Variants in P2RX5 observed in about 807,000 individuals in gnomAD.
P2RX5 encodes the protein P2X purinoceptor 5.
P2RX5 carries 46 observed loss-of-function variants against 54.1 expected under a neutral mutation model. The ratio of observed to expected loss-of-function variants is 0.85; its 90% confidence interval spans 0.67 to 1.09. The LOEUF (loss-of-function observed/expected upper bound fraction) is 1.09. Among genes scored for constraint, P2RX5 ranks in the 50% least tolerant of loss-of-function variants. The probability of loss-of-function intolerance (pLI) is 0.00; values close to 1 mark genes in which losing one functional copy is unlikely to be tolerated. For synonymous variants in P2RX5, 226 were observed against 226.4 expected (o/e 1.00, Z 0.02); for missense variants, 566 against 549.8 (o/e 1.03, Z -0.29).
chr17:3,715,136 A>G, the P2RX5 span, among the ~76,000 whole-genome samples: 2 of 152,120 alleles, frequency 1.3e-5, no homozygotes, highest in African/African-American at 2.4e-5. Context: ...TCATCCCTCA[A>G]TCAGAACTGA....
the P2RX5 span, chr17:3,723,805 G>C: frequency 2.5e-6 from 4 of 1,588,712 alleles, no homozygotes; most frequent in Middle Eastern, 1.7e-4. Context: ...TTTCCGTCCC[G>C]TCCCGGCCCC....
intron 1 of P2RX5, among the ~76,000 whole-genome samples, chr17:3,694,236 A>G (rs1474191388): frequency 2.0e-5 from 3 of 151,604 alleles, no homozygotes; most frequent in Non-Finnish European, 1.5e-5. Context: ...GCCAGAAAAA[A>G]AAAAAAAAAG....
chr17:3,685,302 A>G (rs541571919), intron 9 of P2RX5, among the ~76,000 whole-genome samples: 1 of 152,268 alleles, frequency 6.6e-6, no homozygotes, highest in Admixed American at 6.5e-5. Flanking sequence ...CTGGCTCTGG[A>G]AAGAGACTCG....
chr17:3,674,616 C>T (rs996976073), intron 11 of P2RX5, among the ~76,000 whole-genome samples: 1 of 152,226 alleles, frequency 6.6e-6, no homozygotes, highest in African/African-American at 2.4e-5. Context: ...CAGCTAAAGA[C>T]CGTCAACTTC....
the P2RX5 span, chr17:3,716,596 GCTCTAAGT>G: frequency 1.3e-6 from 1 of 761,242 alleles, no homozygotes; most frequent in East Asian, 2.5e-5. Flanking sequence ...CAGGGCAGCT[GCTCTAAGT>G]CAGAGGTTGG....
the P2RX5 span, among the ~76,000 whole-genome samples, chr17:3,716,520 C>T: frequency 2.6e-5 from 4 of 152,298 alleles, no homozygotes; most frequent in South Asian, 8.3e-4. Context: ...CAGACAGATA[C>T]TGTTTTACTC....
the P2RX5 span, chr17:3,717,330 C>T: frequency 2.6e-5 from 4 of 153,446 alleles, no homozygotes; most frequent in African/African-American, 9.6e-5. Flanking sequence ...TTCCCCTCAC[C>T]AGACTAAAAA....
At chr17:3,698,246 G>A (rs1486215178), upstream of P2RX5, among the ~76,000 whole-genome samples, 1 of 152,050 alleles carries the variant, frequency 6.6e-6, no homozygotes, top group Non-Finnish European at 1.5e-5. Context: ...TGACAGTGCT[G>A]CTCCAGGGTA....
Position 3,674,375 on chromosome 17 carries a change from C to G in P2RX5, c.1260-498G>C, listed in dbSNP as rs1239457831. On this transcript the variant is annotated intron_variant, in intron 11 of 11. Coordinates refer to ENST00000225328, the MANE Select transcript of P2RX5 (RefSeq NM_002561.4). ...CCAGTTTCCATCAGAGTAATGAGCT[C>G]CCACTCTTGCACCAAGATTATGCAG... Among the ~76,000 whole-genome samples, 3 of 151,394 alleles carry G rather than the reference C, an allele frequency of 2.0e-5. No homozygotes were observed. The East Asian group carries it at 5.8e-4, about 29-fold the overall frequency.
chr17:3,699,840 G>A (rs1567744200), upstream of P2RX5, among the ~76,000 whole-genome samples: 8 of 110,590 alleles, frequency 7.2e-5, no homozygotes, highest in East Asian at 3.1e-4. Context: ...GAGAGAGAGA[G>A]AAAGAAAAAG....
intron 1 of P2RX5, among the ~76,000 whole-genome samples, chr17:3,693,421 T>G (rs1393121658): frequency 6.6e-6 from 1 of 152,172 alleles, no homozygotes; most frequent in Admixed American, 6.5e-5. Context: ...AGTTACCAGA[T>G]AAGCCAGAAA....
chr17:3,716,864 T>C, the P2RX5 span: 3 of 898,196 alleles, frequency 3.3e-6, no homozygotes, highest in South Asian at 2.8e-5. Context: ...TCCTACATGT[T>C]ATTTTAAGGA....
At chr17:3,699,018 C>T (rs889197747), upstream of P2RX5, among the ~76,000 whole-genome samples, 1 of 149,820 alleles carries the variant, frequency 6.7e-6, no homozygotes, top group Non-Finnish European at 1.5e-5. Context: ...CCAGCCTGGG[C>T]AACATAGCAA....
chr17:3,673,647 G>T lies in P2RX5; in HGVS notation c.*221C>A. 4 of 1,441,526 alleles carry T rather than the reference G, an allele frequency of 2.8e-6. No homozygotes were observed. The East Asian group carries it at 1.0e-4, about 36-fold the overall frequency. The allele number at this position is 1,441,526 out of a possible 1,614,324, so 89.3% of individuals were successfully genotyped here. A position where few individuals can be genotyped will look rare whatever the true frequency, so the allele number is the denominator to read the frequency against. The stretch of plus-strand genomic sequence containing the variant: ...AGAAAGGAAGAACTGACGGCAGGGG[G>T]TGGGGCAAAAAGACAGCCATGATGG... On this transcript the variant is annotated 3_prime_UTR_variant, in exon 12 of 12. Transcript: ENST00000225328.
intron 8 of P2RX5, 123 bp downstream of exon 8, chr17:3,688,503 C>G (rs778004366): frequency 9.4e-7 from 1 of 1,066,386 alleles, no homozygotes; most frequent in Non-Finnish European, 1.5e-6. Flanking sequence ...CCTGGGCCAT[C>G]TGTCCCTGCA....
At chr17:3,707,672 A>G in the P2RX5 span, among the ~76,000 whole-genome samples, 1 of 152,022 alleles carries the variant, frequency 6.6e-6, no homozygotes, top group Admixed American at 6.6e-5. Flanking sequence ...CCCTGGACAG[A>G]AGATGAGGCA....
At chr17:3,713,687 T>C in the P2RX5 span, among the ~76,000 whole-genome samples, 1 of 151,124 alleles carries the variant, frequency 6.6e-6, no homozygotes, top group African/African-American at 2.4e-5. Context: ...GAGGCGGAGG[T>C]TGCGGTGAGC....
upstream of P2RX5, chr17:3,696,232 C>T (rs960977100): frequency 6.1e-6 from 2 of 328,410 alleles, no homozygotes; most frequent in Non-Finnish European, 1.1e-5. Context: ...CGGCGAGCAC[C>T]GGAACCTCAG....
the P2RX5 span, chr17:3,714,931 A>G: frequency 6.2e-7 from 1 of 1,600,586 alleles, no homozygotes; most frequent in Non-Finnish European, 8.5e-7. Flanking sequence ...ATTTTCTTTT[A>G]AAAAAGCCAC....
Sources: gnomAD v4.1 joint callset for allele counts (sites outside exome capture counted in the v4.1 genomes callset) on GRCh38, gnomAD v4.1.1 for gene constraint, MANE v1.5 for transcripts, NCBI Gene and HGNC (gene_info 2026-07-23, HGNC 2026-07-21) for gene names.